The following DST variants were observed in gnomAD, a reference collection of about 807,000 sequenced individuals.
DST encodes bullous pemphigoid antigen.
Under a neutral mutation model 875.2 loss-of-function variants are expected in DST, and 253 were observed. The observed-to-expected ratio is 0.29, with a 90% CI of 0.26 to 0.32. The LOEUF (loss-of-function observed/expected upper bound fraction) is 0.32. DST is among the 10% of genes least tolerant of loss of function. The probability of loss-of-function intolerance (pLI) is 1.00; values close to 1 mark genes in which losing one functional copy is unlikely to be tolerated. For synonymous variants in DST, 3,124 were observed against 3,197.1 expected (o/e 0.98, Z 0.77); for missense variants, 8,287 against 9,111.6 (o/e 0.91, Z 3.68).
chr6:56,682,823 T>C (rs1176387794), intron 9 of DST, among the ~76,000 whole-genome samples: 1 of 152,090 alleles, frequency 6.6e-6, no homozygotes, highest in East Asian at 1.9e-4. Context: ...AGCCACAGTC[T>C]CAAAAAACAG....
intron 4 of DST, among the ~76,000 whole-genome samples, chr6:56,849,897 GCC>G (rs762571010): frequency 6.6e-6 from 1 of 152,128 alleles, no homozygotes; most frequent in Non-Finnish European, 1.5e-5. Context: ...TGGGCCATCA[GCC>G]CCCAGTAACT....
chr6:56,706,870 T>C lies in DST; in HGVS notation c.688-2501A>G, dbSNP rs545562648. On this transcript the variant is annotated intron_variant, in intron 5 of 103. Coordinates refer to ENST00000680361, the MANE Select transcript of DST (RefSeq NM_001374736.1). ...ACAAAAAAAAATTAGCCGGGCAATG[T>C]GGCGTATGCCTGTAATCCCAGCTAC... Among the ~76,000 whole-genome samples the C allele has an allele frequency of 6.4e-4, 97 of 152,290 alleles. 1 individual carries two copies. The highest frequency in any genetic ancestry group is 5.2e-3 in the Admixed American group (79 of 15,292).
chr6:56,535,071 T>C (rs2096969303), intron 63 of DST, 51 bp downstream of exon 63: 12 of 1,592,864 alleles, frequency 7.5e-6, no homozygotes, highest in Non-Finnish European at 7.7e-6. Context: ...ATTTTTTCTC[T>C]TGTTATTAAG....
At chr6:56,751,540 C>G (rs1445885063) in intron 4 of DST, among the ~76,000 whole-genome samples, 1 of 152,122 alleles carries the variant, frequency 6.6e-6, no homozygotes. Context: ...ATGTGTGACA[C>G]TACTGCTGGT....
chr6:56,463,818 C>T lies in DST; in HGVS notation c.22760-54G>A, dbSNP rs758637575. On this transcript the variant is annotated intron_variant, in intron 100 of 103. Transcript: ENST00000680361. The stretch of plus-strand genomic sequence containing the variant: ...CAAAGAAAAGACGGAAAAGAAGAGG[C>T]GCTCAATCGTTAATGGGAAGAACGG... The T allele has an allele frequency of 9.5e-5, 150 of 1,579,904 alleles. 1 individual carries two copies. Among genetic ancestry groups the T allele is most frequent in the Admixed American group, 6.7e-5 (4 of 59,960 alleles).
chr6:56,646,156 A>G lies in DST; in HGVS notation c.1581T>C (p.Phe527=), dbSNP rs1401564562. ...LKALYNQYLQ[F]KETEIPPKET... The stretch of plus-strand genomic sequence containing the variant: ...CCTTTGGTGGAATTTCTGTTTCTTT[A>G]AACTGTAAATACTGATTATAAAGTG... Residue 527 remains phenylalanine (F), a synonymous_variant, in exon 14 of 104, where the codon TTT becomes TTC. Transcript: ENST00000680361. The G allele has an allele frequency of 1.3e-6, 2 of 1,520,524 alleles. No homozygotes were observed. Among genetic ancestry groups the G allele is most frequent in the Non-Finnish European group, 1.8e-6 (2 of 1,118,740 alleles). 94.2% of individuals were successfully genotyped at this position (1,520,524 alleles called of 1,614,324 possible). A position where few individuals can be genotyped will look rare whatever the true frequency, so the allele number is the denominator to read the frequency against.
At chr6:56,731,969 C>T (rs2152926174) in intron 5 of DST, among the ~76,000 whole-genome samples, 1 of 152,292 alleles carries the variant, frequency 6.6e-6, no homozygotes, top group South Asian at 2.1e-4. Context: ...AATGATGTCA[C>T]AAATCAAATA....
At chr6:56,599,703 TAAGA>T (rs2098425483) in intron 45 of DST, among the ~76,000 whole-genome samples, 2 of 152,178 alleles carry the variant, frequency 1.3e-5, no homozygotes, top group South Asian at 2.1e-4. Context: ...AAGAAGGAGC[TAAGA>T]AAGAGAAAGA....
intron 4 of DST, among the ~76,000 whole-genome samples, chr6:56,787,222 T>C (rs1208274161): frequency 9.2e-5 from 14 of 152,218 alleles, no homozygotes; most frequent in Admixed American, 6.5e-5. Context: ...GTTGGTAGGA[T>C]AGACTCTGCA....
At chr6:56,913,426 C>G (rs1395659403) in intron 2 of DST, among the ~76,000 whole-genome samples, 1 of 152,226 alleles carries the variant, frequency 6.6e-6, no homozygotes, top group Non-Finnish European at 1.5e-5. Context: ...CAAACTATCA[C>G]TCTTCGGACA....
At chr6:56,627,954 C>T (rs752610684) in intron 33 of DST, 45 bp downstream of exon 33, 1 of 1,570,812 alleles carries the variant, frequency 6.4e-7, no homozygotes, top group Non-Finnish European at 8.8e-7. Flanking sequence ...GCATGACTGA[C>T]CAAATGCAGA....
intron 4 of DST, among the ~76,000 whole-genome samples, chr6:56,767,437 C>T (rs996617374): frequency 6.6e-6 from 1 of 151,778 alleles, no homozygotes; most frequent in Admixed American, 6.6e-5. Flanking sequence ...ACCAACATGG[C>T]GAAATCCCAT....
At chr6:56,868,592 A>G (rs996950142) in intron 3 of DST, among the ~76,000 whole-genome samples, 9 of 152,240 alleles carry the variant, frequency 5.9e-5, no homozygotes, top group African/African-American at 2.2e-4. Flanking sequence ...TTGGACTACA[A>G]CATTTTTTTA....
At position 56,605,827 on chromosome 6, in the gene DST, A is replaced by T. The variant is rs377671734; in HGVS notation, c.8801T>A (p.Phe2934Tyr). 1.9e-6 allele frequency: 3 copies of T among 1,612,330 alleles called. No individual in the cohort carries two copies. Among genetic ancestry groups the T allele is most frequent in the Non-Finnish European group, 2.5e-6 (3 of 1,179,184 alleles). The change falls in exon 40 of 104, where the codon TTT (phenylalanine) becomes TAT (tyrosine). Residue 2934 changes from phenylalanine to tyrosine, a missense_variant. Physicochemically the swap from Phe to Tyr is conservative, Grantham distance 22. Coordinates refer to ENST00000680361, the MANE Select transcript of DST (RefSeq NM_001374736.1). The stretch of plus-strand genomic sequence containing the variant: ...ATCATGTGAAATACTTGCAGGGCCA[A>T]AAGTTTTTTCAGATTCAGTGTCTTT... Reference protein sequence around the residue: ...IIKDTESEKTFGPASISHDNN... With the variant: ...IIKDTESEKTYGPASISHDNN...
intron 36 of DST, chr6:56,618,007 C>CT: frequency 6.2e-7 from 1 of 1,614,070 alleles, no homozygotes; most frequent in African/African-American, 1.3e-5. Flanking sequence ...TCAAAACCTT[C>CT]ACCAGTTCCA....
Position 56,569,842 on chromosome 6 carries a change from T to C in DST, c.13878+14A>G. On this transcript the variant is annotated intron_variant, in intron 54 of 103. Transcript: ENST00000680361. ...ACACAAATGGAAATTTAGTATTAGA[T>C]AACAATGATTCACCTTAGTGTCTTC... The C allele has an allele frequency of 1.2e-6, 2 of 1,600,218 alleles. No individual in the cohort carries two copies. The highest frequency in any genetic ancestry group is 1.7e-6 in the Non-Finnish European group (2 of 1,174,436).
chr6:56,517,185 G>A lies in DST; in HGVS notation c.18357+13C>T. 1.3e-6 allele frequency: 2 copies of A among 1,597,704 alleles called. No homozygotes were observed. The highest frequency in any genetic ancestry group is 1.7e-6 in the Non-Finnish European group (2 of 1,165,618). On this transcript the variant is annotated intron_variant, in intron 71 of 103. Coordinates refer to ENST00000680361, the MANE Select transcript of DST (RefSeq NM_001374736.1). ...TCAAGAGTCCCACTACCAGTCCACA[G>A]ACAAGATTATACCTTCATTGATTGC...
chr6:56,655,300 C>T (rs2099001500), intron 10 of DST, among the ~76,000 whole-genome samples: 1 of 150,964 alleles, frequency 6.6e-6, no homozygotes, highest in African/African-American at 2.4e-5. Flanking sequence ...TACTTAGAAA[C>T]ATGGCAGAGA....
In DST at chr6:56,824,859, C is replaced by T. The variant is rs374227349; in HGVS notation, c.625+26538G>A. ...GAGCGTCTCCGCCCCGCAGCCACCC[C>T]GTCCGGGAGGGAGGTGGGGGGGTCA... On this transcript the variant is annotated intron_variant, in intron 4 of 103. Transcript: ENST00000680361. Among the ~76,000 whole-genome samples, 30 of 151,436 alleles carry T rather than the reference C, an allele frequency of 2.0e-4. No individual in the cohort carries two copies. In the East Asian group the frequency reaches 5.5e-3, roughly 28 times the overall value.
Sources: allele counts gnomAD v4.1 joint callset (sites outside exome capture counted in the v4.1 genomes callset), GRCh38; gene constraint gnomAD v4.1.1; transcripts MANE v1.5; gene names NCBI Gene and HGNC (gene_info 2026-07-23, HGNC 2026-07-21).